RBFOX1: variants seen among roughly 807,000 people sequenced by gnomAD.
The protein encoded by RBFOX1 is RNA binding protein fox-1 homolog 1.
In RBFOX1, 8 loss-of-function variants were observed where a neutral mutation model predicts 57.7. That is an observed-to-expected ratio of 0.14 (90% confidence interval 0.08 to 0.25). The LOEUF is 0.25. RBFOX1 is among the 10% of genes least tolerant of loss of function. RBFOX1 has a pLI of 1.00. For synonymous variants in RBFOX1, 326 were observed against 222.4 expected (o/e 1.47, Z -4.15); for missense variants, 611 against 548.5 (o/e 1.11, Z -1.14).
chr16:6,567,999 C>A (rs944455921), intron 2 of RBFOX1, among the ~76,000 whole-genome samples: 3 of 151,940 alleles, frequency 2.0e-5, no homozygotes, highest in Non-Finnish European at 4.4e-5. Context: ...TATTTAAATT[C>A]TTTGTAGAGG....
rs189971382 is a variant in RBFOX1 at position 7,303,805 on chromosome 16, C to T, written c.28-214342C>T. Among the ~76,000 whole-genome samples, 591 of 150,358 alleles carry T rather than the reference C, an allele frequency of 3.9e-3. 2 individuals carry two copies. The highest frequency in any genetic ancestry group is 6.3e-3 in the Non-Finnish European group (426 of 67,522). ...TCTGTCTCTCCCCTCCCTCTCTCTTCCTCTCTCCCTCTCTACCTCCGTCCC... is the reference window on the plus strand; with the variant it reads ...TCTGTCTCTCCCCTCCCTCTCTCTTTCTCTCTCCCTCTCTACCTCCGTCCC... On this transcript the variant is annotated intron_variant, in intron 4 of 15. Coordinates refer to ENST00000550418, the MANE Select transcript of RBFOX1 (RefSeq NM_018723.4).
At chr16:6,009,377 T>C (rs2094946602) in intron 4 of RBFOX1, among the ~76,000 whole-genome samples, 1 of 152,216 alleles carries the variant, frequency 6.6e-6, no homozygotes. Flanking sequence ...CTTGACTGCC[T>C]CCAGTTGCCA....
chr16:5,347,156 C>T (rs939551653), intron 1 of RBFOX1, among the ~76,000 whole-genome samples: 13 of 152,138 alleles, frequency 8.5e-5, no homozygotes, highest in Non-Finnish European at 1.0e-4. Context: ...CTTCCTGCTT[C>T]ATGTTTCTTC....
chr16:7,401,966 C>A (rs963693185), intron 4 of RBFOX1, among the ~76,000 whole-genome samples: 6 of 152,220 alleles, frequency 3.9e-5, no homozygotes, highest in African/African-American at 1.4e-4. Context: ...GTTAATAATA[C>A]ATCAAGCATG....
chr16:7,499,308 C>G (rs1157713152), intron 4 of RBFOX1, among the ~76,000 whole-genome samples: 1 of 152,094 alleles, frequency 6.6e-6, no homozygotes, highest in Non-Finnish European at 1.5e-5. Flanking sequence ...TATCTGTGTC[C>G]ACACTTTCCC....
At chr16:7,196,076 A>G (rs1455811364) in intron 4 of RBFOX1, among the ~76,000 whole-genome samples, 1 of 151,732 alleles carries the variant, frequency 6.6e-6, no homozygotes, top group Non-Finnish European at 1.5e-5. Context: ...TATTATTATT[A>G]TTGTTATTAT....
At chr16:6,622,122 T>G (rs575820774) in intron 2 of RBFOX1, among the ~76,000 whole-genome samples, 5 of 152,218 alleles carry the variant, frequency 3.3e-5, no homozygotes, top group African/African-American at 1.2e-4. Flanking sequence ...ATTATTGGCA[T>G]ATTGTAGGCA....
Position 7,130,232 on chromosome 16 carries a change from C to T in RBFOX1, c.27+78134C>T, listed in dbSNP as rs1027195686. ...TATTTTTGGTAGAGGTGGAGTTTCG[C>T]CATATTTGGCCAGGCTGGTCTTGAA... On this transcript the variant is annotated intron_variant, in intron 4 of 15. Coordinates refer to ENST00000550418, the MANE Select transcript of RBFOX1 (RefSeq NM_018723.4). 1.4e-4 allele frequency among the ~76,000 whole-genome samples: 22 copies of T among 152,014 alleles called. No individual in the cohort carries two copies. The East Asian group carries it at 2.3e-3, about 16-fold the overall frequency.
intron 4 of RBFOX1, among the ~76,000 whole-genome samples, chr16:5,913,030 G>A (rs1024398192): frequency 5.9e-5 from 9 of 152,164 alleles, no homozygotes; most frequent in African/African-American, 2.2e-4. Context: ...TCTAAGTTCA[G>A]ACTCTAGCAT....
At chr16:5,774,454 A>G (rs1225859790) in intron 3 of RBFOX1, among the ~76,000 whole-genome samples, 2 of 152,260 alleles carry the variant, frequency 1.3e-5, no homozygotes, top group South Asian at 2.1e-4. Flanking sequence ...GGTAATGTCA[A>G]CACGTAGTTC....
rs548478081 is a variant in RBFOX1, at chr16:7,684,418, A to C, written c.995+7580A>C. Among the ~76,000 whole-genome samples the C allele has an allele frequency of 4.8e-4, 73 of 152,216 alleles. 4 individuals are homozygous for C. The South Asian group carries it at 0.015, about 32-fold the overall frequency. ...AACTAGTCACTTTTCTTTTTTTCCA[A>C]GCTAATTATTGATACATTATGATGT... On this transcript the variant is annotated intron_variant, in intron 14 of 15. Coordinates refer to ENST00000550418, the MANE Select transcript of RBFOX1 (RefSeq NM_018723.4).
chr16:7,010,537 C>CTT (rs57373603), intron 3 of RBFOX1, among the ~76,000 whole-genome samples: 2,368 of 147,986 alleles, frequency 0.016, 71 homozygotes, highest in African/African-American at 0.055. Flanking sequence ...CACATCTCCC[C>CTT]TTTTTTTTTT....
intron 4 of RBFOX1, among the ~76,000 whole-genome samples, chr16:7,110,102 C>G (rs1212861768): frequency 6.6e-6 from 1 of 151,022 alleles, no homozygotes; most frequent in Admixed American, 6.6e-5. Flanking sequence ...GTATTCCCAG[C>G]ACATTGGGAG....
intron 3 of RBFOX1, among the ~76,000 whole-genome samples, chr16:6,677,687 C>A (rs906634404): frequency 1.3e-5 from 2 of 152,126 alleles, no homozygotes; most frequent in Non-Finnish European, 2.9e-5. Flanking sequence ...CGGCTGTATC[C>A]ATAGACATGT....
At chr16:5,923,013 C>T (rs893958670) in intron 4 of RBFOX1, among the ~76,000 whole-genome samples, 1 of 152,138 alleles carries the variant, frequency 6.6e-6, no homozygotes, top group African/African-American at 2.4e-5. Flanking sequence ...GGTGTCTCAA[C>T]CCCCATGCCT....
intron 3 of RBFOX1, among the ~76,000 whole-genome samples, chr16:6,803,665 T>C (rs1344458962): frequency 6.6e-6 from 1 of 152,332 alleles, no homozygotes; most frequent in Non-Finnish European, 1.5e-5. Context: ...TAATAATTTC[T>C]CCCTGAACAA....
At chr16:6,448,149 T>C (rs538509882) in intron 2 of RBFOX1, among the ~76,000 whole-genome samples, 31 of 124,780 alleles carry the variant, frequency 2.5e-4, no homozygotes, top group African/African-American at 1.0e-3. Flanking sequence ...TTTCTTTTCT[T>C]TTCTTTCTTT....
chr16:6,204,185 C>T (rs1024169226), intron 1 of RBFOX1, among the ~76,000 whole-genome samples: 9 of 152,116 alleles, frequency 5.9e-5, no homozygotes, highest in Non-Finnish European at 1.3e-4. Flanking sequence ...CTCCCCTACC[C>T]TCACCTCATC....
At chr16:5,285,684 C>G (rs2063376266) in intron 1 of RBFOX1, among the ~76,000 whole-genome samples, 1 of 152,142 alleles carries the variant, frequency 6.6e-6, no homozygotes, top group Admixed American at 6.6e-5. Context: ...TGGGTAGGTA[C>G]AGTGATATAG....
Sources: allele counts gnomAD v4.1 joint callset (sites outside exome capture counted in the v4.1 genomes callset), GRCh38; gene constraint gnomAD v4.1.1; transcripts MANE v1.5; gene names NCBI Gene and HGNC (gene_info 2026-07-23, HGNC 2026-07-21).